The following B3GNT4 variants were observed in gnomAD, a reference collection of about 807,000 sequenced individuals.
B3GNT4 encodes the protein UDP-GlcNAc:betaGal beta-1,3-N-acetylglucosaminyltransferase 4, also known as N-acetyllactosaminide beta-1,3-N-acetylglucosaminyltransferase 4.
A neutral mutation model predicts 2.7 loss-of-function variants in B3GNT4; 2 were observed. That is an observed-to-expected ratio of 0.73 (90% CI 0.30 to 2.31). The LOEUF is 2.31. Among genes scored for constraint, B3GNT4 ranks in the 30% most tolerant of loss-of-function variants. The pLI is 0.12. For synonymous variants in B3GNT4, 280 were observed against 203.4 expected (o/e 1.38, Z -3.20); for missense variants, 708 against 490.9 (o/e 1.44, Z -4.18).
At chr12:122,205,751 T>C (rs75722137) in intron 2 of B3GNT4, 9,605 of 152,406 alleles carry the variant, frequency 0.063, 806 homozygotes, top group African/African-American at 0.19. Context: ...CCCTCCCTCC[T>C]GGAAGCCCCG....
Position 122,206,772 on chromosome 12 carries a change from A to C in B3GNT4, c.521A>C (p.Glu174Ala). 1 of 1,606,478 alleles carries C rather than the reference A, an allele frequency of 6.2e-7. No individual in the cohort carries two copies. Among genetic ancestry groups the C allele is most frequent in the Non-Finnish European group, 8.5e-7 (1 of 1,175,756 alleles). ...CCCCCAGCCCAGCTGCTGGCCTATG[A>C]GAGTAGGGAGTTTGATGACATCCTC... ...SAPPAQLLAY[E>A]SREFDDILQW... The change falls in exon 3 of 3, where the codon GAG becomes GCG. Residue 174 changes from glutamate (E) to alanine (A), a missense_variant. Coordinates refer to ENST00000324189, the MANE Select transcript of B3GNT4 (RefSeq NM_030765.4).
At chr12:122,204,105 C>T (rs1298978701) in intron 1 of B3GNT4, among the ~76,000 whole-genome samples, 1 of 151,812 alleles carries the variant, frequency 6.6e-6, no homozygotes, top group Admixed American at 6.6e-5. Context: ...CCAACCCCGG[C>T]CCGGGGGTCC....
At chr12:122,204,945 G>A (rs1953895722) in intron 2 of B3GNT4, 1 of 493,676 alleles carries the variant, frequency 2.0e-6, no homozygotes, top group Non-Finnish European at 3.6e-6. Context: ...CCGGAGGATC[G>A]CTTGAACCCA....
rs1437050463 is a variant in B3GNT4 at position 122,208,072 on chromosome 12, G to C, written c.*684G>C. The C allele has an allele frequency of 3.4e-6, 2 of 595,970 alleles. No individual in the cohort carries two copies. Among genetic ancestry groups the C allele is most frequent in the Non-Finnish European group, 6.3e-6 (2 of 318,966 alleles). The allele number at this position is 595,970 out of a possible 1,614,324, so 36.9% of individuals were successfully genotyped here. On this transcript the variant is annotated 3_prime_UTR_variant, in exon 3 of 3. Coordinates refer to ENST00000324189, the MANE Select transcript of B3GNT4 (RefSeq NM_030765.4). ...CTGAACTTAAGGGCATGACAAAAAG[G>C]ACTCCTCTCTCTGACCCAGGTAGGC...
chr12:122,206,307 T>G lies in B3GNT4; in HGVS notation c.67-11T>G, dbSNP rs951910713. The G allele has an allele frequency of 2.0e-6, 3 of 1,536,934 alleles. No individual in the cohort carries two copies. Among genetic ancestry groups the G allele is most frequent in the South Asian group, 1.3e-5 (1 of 79,388 alleles). ...GGGCTGGGCCCTGCTCAGGTGGCTCTCTCCTTGCAGGGACCGGCGATGCTC... is the reference window on the plus strand; with the variant it reads ...GGGCTGGGCCCTGCTCAGGTGGCTCGCTCCTTGCAGGGACCGGCGATGCTC... On this transcript the variant is annotated splice_polypyrimidine_tract_variant and intron_variant, in intron 2 of 2. Transcript: ENST00000324189.
In B3GNT4 at chr12:122,206,406, C is replaced by T. The variant is rs374927709; in HGVS notation, c.155C>T (p.Ala52Val). The change falls in exon 3 of 3, where the codon GCG (alanine) becomes GTG (valine). Residue 52 changes from alanine (A) to valine (V), a missense_variant. Transcript: ENST00000324189. ...LLGCLLFLRK[A>V]AKPAGDPTAH... ...GGCTGCCTGCTCTTCCTGAGGAAGG[C>T]GGCCAAGCCCGCAGGAGACCCCACG... 29 of 1,613,192 alleles carry T rather than the reference C, an allele frequency of 1.8e-5. No homozygotes were observed. The highest frequency in any genetic ancestry group is 8.0e-5 in the African/African-American group (6 of 74,922).
Position 122,206,734 on chromosome 12 carries a change from G to A in B3GNT4, c.483G>A (p.Val161=). The change falls in exon 3 of 3, where the codon GTG becomes GTA. Residue 161 remains valine, a synonymous_variant. Transcript: ENST00000324189. ...RQLKLVFLLG[V]AGSAPPAQLL... ...TGAAGCTGGTGTTCCTCCTAGGGGT[G>A]GCAGGATCCGCTCCCCCAGCCCAGC... is the stretch of plus-strand genomic sequence containing the variant. 1 of 1,607,240 alleles carries A rather than the reference G, an allele frequency of 6.2e-7. No individual in the cohort carries two copies. The highest frequency in any genetic ancestry group is 1.1e-5 in the South Asian group (1 of 90,498).
chr12:122,206,040 T>C (rs967643856), intron 2 of B3GNT4: 1 of 407,502 alleles, frequency 2.5e-6, no homozygotes, highest in Non-Finnish European at 4.3e-6. Context: ...CTGGGAACGT[T>C]TATGGTGTCA....
In B3GNT4 at chr12:122,207,309, C is replaced by G. The variant is rs781468610; in HGVS notation, c.1058C>G (p.Pro353Arg). ...RGLLLVHRLS[P>R]LEMWTMWALV... The stretch of plus-strand genomic sequence containing the variant: ...CTCCTGCTGGTTCACCGCCTCAGCC[C>G]CCTCGAGATGTGGACCATGTGGGCA... Residue 353 changes from proline to arginine, a missense_variant, in exon 3 of 3, where the codon CCC (proline) becomes CGC (arginine). Coordinates refer to ENST00000324189, the MANE Select transcript of B3GNT4 (RefSeq NM_030765.4). The G allele has an allele frequency of 6.2e-7, 1 of 1,612,816 alleles. No homozygotes were observed.
In B3GNT4 at chr12:122,208,286, C is replaced by G; in HGVS notation, c.*898C>G. 6.8e-7 allele frequency: 1 copy of G among 1,465,612 alleles called. No individual in the cohort carries two copies. Among genetic ancestry groups the G allele is most frequent in the Non-Finnish European group, 9.4e-7 (1 of 1,059,570 alleles). 90.8% of individuals were successfully genotyped at this position (1,465,612 alleles called of 1,614,324 possible). ...GCCAGGGCAGGATCTGCCGCCTCTTCTCGGTGCACAGACAGTCATGCCAAC... is the reference window on the plus strand; with the variant it reads ...GCCAGGGCAGGATCTGCCGCCTCTTGTCGGTGCACAGACAGTCATGCCAAC... On this transcript the variant is annotated 3_prime_UTR_variant, in exon 3 of 3. Coordinates refer to ENST00000324189, the MANE Select transcript of B3GNT4 (RefSeq NM_030765.4).
In B3GNT4 at chr12:122,208,038, A is replaced by G. The variant is rs1953969349; in HGVS notation, c.*650A>G. 1 of 533,338 alleles carries G rather than the reference A, an allele frequency of 1.9e-6. No homozygotes were observed. The highest frequency in any genetic ancestry group is 1.9e-5 in the African/African-American group (1 of 52,770). The allele number at this position is 533,338 out of a possible 1,614,324, so 33.0% of individuals were successfully genotyped here. ...ACGTAAATAAGACTGAAAACAGGTT[A>G]AACAGTTGCTGAACTTAAGGGCATG... On this transcript the variant is annotated 3_prime_UTR_variant, in exon 3 of 3. Transcript: ENST00000324189.
rs774182436 is a variant in B3GNT4, at chr12:122,208,200, C to G, written c.*812C>G. 3.4e-5 allele frequency: 25 copies of G among 745,786 alleles called. No individual in the cohort carries two copies. In the African/African-American group the frequency reaches 3.5e-4, roughly 10 times the overall value. 46.2% of individuals were successfully genotyped at this position (745,786 alleles called of 1,614,324 possible). A position where few individuals can be genotyped will look rare whatever the true frequency, so the allele number is the denominator to read the frequency against. On this transcript the variant is annotated 3_prime_UTR_variant, in exon 3 of 3. Coordinates refer to ENST00000324189, the MANE Select transcript of B3GNT4 (RefSeq NM_030765.4). ...AGTGCCCAAGGGCTAAGAACCAGGT[C>G]CAGCGCAAGCCTGAGACCACAGGAG...
rs1448019291 is a variant in B3GNT4 at position 122,208,505 on chromosome 12, T to C, written c.*1117T>C. 1 of 1,614,138 alleles carries C rather than the reference T, an allele frequency of 6.2e-7. No homozygotes were observed. The highest frequency in any genetic ancestry group is 1.3e-5 in the African/African-American group (1 of 75,060). Reference sequence around the variant, plus strand: ...CTTGGTTTCTGCTTTCCGGGAGAGCTGGTGCACCTCTTCCACCTGCAGTTT... The same window carrying C: ...CTTGGTTTCTGCTTTCCGGGAGAGCCGGTGCACCTCTTCCACCTGCAGTTT... On this transcript the variant is annotated 3_prime_UTR_variant, in exon 3 of 3. Transcript: ENST00000324189.
chr12:122,205,870 C>T (rs1215667627), intron 2 of B3GNT4: 1 of 158,230 alleles, frequency 6.3e-6, no homozygotes, highest in Non-Finnish European at 1.4e-5. Context: ...TGGAGACGCC[C>T]AACACAGGAC....
chr12:122,206,884 C>T lies in B3GNT4; in HGVS notation c.633C>T (p.Ala211=), dbSNP rs369992469. The T allele has an allele frequency of 4.3e-6, 7 of 1,613,794 alleles. No individual in the cohort carries two copies. The highest frequency in any genetic ancestry group is 5.9e-6 in the Non-Finnish European group (7 of 1,180,010). ...GGGTGGTGGCTGCCTGCCCCCAGGC[C>T]CATTTCATGCTAAAGGGAGATGACG... The part of the protein sequence containing the change: ...QRWVVAACPQ[A]HFMLKGDDDV... The change falls in exon 3 of 3, where the codon GCC becomes GCT. Residue 211 remains alanine (A), a synonymous_variant. Transcript: ENST00000324189.
At position 122,208,733 on chromosome 12, in the gene B3GNT4, C is replaced by A; in HGVS notation, c.*1345C>A. 1.3e-6 allele frequency: 1 copy of A among 762,190 alleles called. No individual in the cohort carries two copies. Among genetic ancestry groups the A allele is most frequent in the Non-Finnish European group, 2.3e-6 (1 of 440,712 alleles). 47.2% of individuals were successfully genotyped at this position (762,190 alleles called of 1,614,324 possible). A position where few individuals can be genotyped will look rare whatever the true frequency, so the allele number is the denominator to read the frequency against. On this transcript the variant is annotated 3_prime_UTR_variant, in exon 3 of 3. Coordinates refer to ENST00000324189, the MANE Select transcript of B3GNT4 (RefSeq NM_030765.4). ...TTCTCTCTCTGCAAAGAAACTTCCACCTCTATGTTCAGGTCTGGATTTAAC... is the reference window on the plus strand; with the variant it reads ...TTCTCTCTCTGCAAAGAAACTTCCAACTCTATGTTCAGGTCTGGATTTAAC...
chr12:122,207,621 C>A lies in B3GNT4; in HGVS notation c.*233C>A. On this transcript the variant is annotated 3_prime_UTR_variant, in exon 3 of 3. Transcript: ENST00000324189. ...CCTGTCGGGGCATTCCGGGCGCTGC[C>A]TGGGGCGCTGCAGTCTGGGACCTCA... 1.6e-6 allele frequency: 1 copy of A among 629,384 alleles called. No homozygotes were observed. Among genetic ancestry groups the A allele is most frequent in the Non-Finnish European group, 2.8e-6 (1 of 353,384 alleles). The allele number at this position is 629,384 out of a possible 1,614,324, so 39.0% of individuals were successfully genotyped here. A position where few individuals can be genotyped will look rare whatever the true frequency, so the allele number is the denominator to read the frequency against.
intron 1 of B3GNT4, among the ~76,000 whole-genome samples, chr12:122,204,184 C>T (rs1482070622): frequency 6.6e-6 from 1 of 151,846 alleles, no homozygotes; most frequent in African/African-American, 2.4e-5. Flanking sequence ...AACCAGAGTT[C>T]GCCCCCTGCC....
chr12:122,204,982 A>C, intron 2 of B3GNT4: 1 of 403,776 alleles, frequency 2.5e-6, no homozygotes, highest in Non-Finnish European at 4.5e-6. Context: ...GTGAGCTATA[A>C]TTGTGCCACT....
Sources: allele counts gnomAD v4.1 joint callset (sites outside exome capture counted in the v4.1 genomes callset), GRCh38; gene constraint gnomAD v4.1.1; transcripts MANE v1.5; gene names NCBI Gene and HGNC (gene_info 2026-07-23, HGNC 2026-07-21).